The following CACNA2D3 variants were observed in gnomAD, a reference collection of about 807,000 sequenced individuals.
The protein encoded by CACNA2D3 is calcium voltage-gated channel auxiliary subunit alpha2delta 3.
CACNA2D3 carries 60 observed loss-of-function variants against 160.6 expected under a neutral mutation model. The ratio of observed to expected loss-of-function variants is 0.37; its 90% confidence interval spans 0.30 to 0.46. The LOEUF (loss-of-function observed/expected upper bound fraction) is 0.46, where lower values mean the gene tolerates loss of function less well. CACNA2D3 is among the 20% of genes least tolerant of loss of function. CACNA2D3 has a pLI of 1.00. For synonymous variants in CACNA2D3, 558 were observed against 492.9 expected, an observed-to-expected ratio of 1.13 and a Z score of -1.75; for missense variants, 1,205 against 1,365.0, an observed-to-expected ratio of 0.88 and a Z score of 1.85.
At chr3:54,509,880 T>G (rs1701432370) in intron 5 of CACNA2D3, among the ~76,000 whole-genome samples, 1 of 152,250 alleles carries the variant, frequency 6.6e-6, no homozygotes, top group Non-Finnish European at 1.5e-5. Flanking sequence ...TGGCAATGCC[T>G]CCATACTTCT....
intron 29 of CACNA2D3, among the ~76,000 whole-genome samples, chr3:54,973,809 A>C (rs1395569984): frequency 6.6e-6 from 1 of 152,228 alleles, no homozygotes; most frequent in Non-Finnish European, 1.5e-5. Context: ...TAGTTAATGC[A>C]AAGATAGAGC....
intron 11 of CACNA2D3, among the ~76,000 whole-genome samples, chr3:54,700,047 A>G (rs1374719023): frequency 6.6e-6 from 1 of 152,182 alleles, no homozygotes; most frequent in Non-Finnish European, 1.5e-5. Context: ...AGGGAGCAGA[A>G]TCCACTCCTA....
intron 2 of CACNA2D3, among the ~76,000 whole-genome samples, chr3:54,218,912 C>G (rs937872267): frequency 6.6e-6 from 1 of 152,196 alleles, no homozygotes; most frequent in South Asian, 2.1e-4. Context: ...TGTGACTACA[C>G]TGAGTCCACC....
intron 2 of CACNA2D3, among the ~76,000 whole-genome samples, chr3:54,285,712 G>A (rs1440461325): frequency 6.6e-6 from 1 of 152,178 alleles, no homozygotes; most frequent in Non-Finnish European, 1.5e-5. Flanking sequence ...CACACGGCCG[G>A]GAACTCCTCT....
At chr3:54,296,672 AAG>A (rs930504700) in intron 2 of CACNA2D3, among the ~76,000 whole-genome samples, 5 of 152,194 alleles carry the variant, frequency 3.3e-5, no homozygotes, top group African/African-American at 1.2e-4. Flanking sequence ...CAAAAATAAA[AAG>A]AGAGGCTGCC....
intron 9 of CACNA2D3, among the ~76,000 whole-genome samples, chr3:54,586,704 TA>T (rs1446813848): frequency 6.6e-6 from 1 of 152,186 alleles, no homozygotes; most frequent in Non-Finnish European, 1.5e-5. Context: ...GCACTCTATC[TA>T]AATAACAGCA....
chr3:54,278,753 A>G (rs575779235), intron 2 of CACNA2D3, among the ~76,000 whole-genome samples: 4 of 151,972 alleles, frequency 2.6e-5, no homozygotes, highest in Non-Finnish European at 5.9e-5. Flanking sequence ...CAAACACCGC[A>G]TGTTCTCACT....
chr3:54,542,272 G>C (rs370320751), intron 5 of CACNA2D3, among the ~76,000 whole-genome samples: 11 of 152,178 alleles, frequency 7.2e-5, no homozygotes, highest in African/African-American at 2.4e-4. Flanking sequence ...ATGTTGGCCA[G>C]GATGGTCTCA....
At chr3:55,051,915 C>G (rs1051387635) in intron 35 of CACNA2D3, among the ~76,000 whole-genome samples, 7 of 152,194 alleles carry the variant, frequency 4.6e-5, no homozygotes, top group African/African-American at 1.4e-4. Flanking sequence ...AGGGAACTCC[C>G]TGACCCCTTG....
intron 9 of CACNA2D3, among the ~76,000 whole-genome samples, chr3:54,593,644 A>T (rs1270787886): frequency 6.6e-6 from 1 of 152,204 alleles, no homozygotes; most frequent in Non-Finnish European, 1.5e-5. Context: ...TGGGTCTGTA[A>T]GTGCCAGTTG....
At chr3:54,526,459 G>A (rs992277214) in intron 5 of CACNA2D3, among the ~76,000 whole-genome samples, 1 of 152,034 alleles carries the variant, frequency 6.6e-6, no homozygotes, top group African/African-American at 2.4e-5. Context: ...GCAACCCTGG[G>A]TACTGGTTTC....
At chr3:54,797,754 T>C (rs149461270) in intron 13 of CACNA2D3, among the ~76,000 whole-genome samples, 11 of 152,344 alleles carry the variant, frequency 7.2e-5, no homozygotes, top group Non-Finnish European at 1.2e-4. Context: ...TGTCATTCTC[T>C]CAGTGACTCC....
chr3:54,769,918 G>C (rs1480105657), intron 13 of CACNA2D3, among the ~76,000 whole-genome samples: 1 of 152,110 alleles, frequency 6.6e-6, no homozygotes, highest in Non-Finnish European at 1.5e-5. Flanking sequence ...GTCTGGGGGT[G>C]GGTGCCTGGG....
At chr3:54,510,034 A>G (rs1357782126) in intron 5 of CACNA2D3, among the ~76,000 whole-genome samples, 1 of 152,198 alleles carries the variant, frequency 6.6e-6, no homozygotes, top group Non-Finnish European at 1.5e-5. Flanking sequence ...GCTTAGGCTT[A>G]TGTTTAGCCT....
At chr3:54,283,293 T>C (rs1450995002) in intron 2 of CACNA2D3, among the ~76,000 whole-genome samples, 1 of 152,236 alleles carries the variant, frequency 6.6e-6, no homozygotes, top group Non-Finnish European at 1.5e-5. Context: ...GTAAAATCCC[T>C]GCCCTCTGTA....
chr3:55,006,670 C>T (rs1703101236), intron 32 of CACNA2D3, among the ~76,000 whole-genome samples: 1 of 152,038 alleles, frequency 6.6e-6, no homozygotes, highest in Non-Finnish European at 1.5e-5. Context: ...AGTCTGAAAT[C>T]TGGGTGGGCT....
rs143681674 is a variant in CACNA2D3, at chr3:54,832,275, G to A, written c.1399-4884G>A. On this transcript the variant is annotated intron_variant, in intron 14 of 37. Coordinates refer to ENST00000474759, the MANE Select transcript of CACNA2D3 (RefSeq NM_018398.3). ...CTTACCAGTGCAGCTCGCGCAGAGT[G>A]TGTGTGTGCACACTTCTGTGTGTGA... Among the ~76,000 whole-genome samples the A allele has an allele frequency of 1.2e-3, 189 of 152,288 alleles. 1 individual carries two copies. The highest frequency in any genetic ancestry group is 2.3e-3 in the Non-Finnish European group (155 of 68,030).
intron 2 of CACNA2D3, among the ~76,000 whole-genome samples, chr3:54,313,551 C>T (rs1470757379): frequency 1.3e-5 from 2 of 152,114 alleles, no homozygotes; most frequent in African/African-American, 2.4e-5. Flanking sequence ...ACTCCTAGCA[C>T]ACCGCCCTTG....
At chr3:54,997,879 G>A (rs370276670) in intron 31 of CACNA2D3, among the ~76,000 whole-genome samples, 1 of 152,140 alleles carries the variant, frequency 6.6e-6, no homozygotes, top group South Asian at 2.1e-4. Context: ...TCTTCGATGA[G>A]GCCTCATCAG....
Sources: gnomAD v4.1 joint callset for allele counts (sites outside exome capture counted in the v4.1 genomes callset) on GRCh38, gnomAD v4.1.1 for gene constraint, MANE v1.5 for transcripts, NCBI Gene and HGNC (gene_info 2026-07-23, HGNC 2026-07-21) for gene names.